PTPRO: variants seen among roughly 807,000 people sequenced by gnomAD.
PTPRO encodes receptor-type tyrosine-protein phosphatase O.
Under a neutral mutation model 145.2 loss-of-function variants are expected in PTPRO, and 62 were observed. The ratio of observed to expected loss-of-function variants is 0.43; its 90% CI spans 0.35 to 0.53. The LOEUF (loss-of-function observed/expected upper bound fraction) is 0.53, where lower values mean the gene tolerates loss of function less well. Ranked by LOEUF, PTPRO falls within the 20% of genes least tolerant of loss-of-function variation. The pLI, the probability that PTPRO is intolerant of heterozygous loss-of-function variation, is 0.01. For missense variants in PTPRO, 1,345 were observed against 1,482.7 expected (o/e 0.91, Z 1.53); for synonymous variants, 565 against 514.7 (o/e 1.10, Z -1.32).
intron 1 of PTPRO, among the ~76,000 whole-genome samples, chr12:15,413,804 G>A (rs976147672): frequency 6.6e-6 from 1 of 151,980 alleles, no homozygotes; most frequent in Non-Finnish European, 1.5e-5. Flanking sequence ...AACAGACCAA[G>A]ACTCTATCTC....
At chr12:15,388,608 T>A (rs1939096775) in intron 1 of PTPRO, among the ~76,000 whole-genome samples, 1 of 152,230 alleles carries the variant, frequency 6.6e-6, no homozygotes, top group South Asian at 2.1e-4. Flanking sequence ...TGGTGATTAA[T>A]AGATACACCA....
Position 15,508,255 on chromosome 12 carries a change from G to A in PTPRO, c.1268-316G>A, listed in dbSNP as rs552682931. Among the ~76,000 whole-genome samples the A allele has an allele frequency of 2.0e-5, 3 of 152,222 alleles. No individual in the cohort carries two copies. The South Asian group carries it at 6.2e-4, about 32-fold the overall frequency. On this transcript the variant is annotated intron_variant, in intron 6 of 26. Coordinates refer to ENST00000281171, the MANE Select transcript of PTPRO (RefSeq NM_030667.3). The stretch of plus-strand genomic sequence containing the variant: ...CCCTGATGAAATGCCACATTGCCAC[G>A]CTCACTCTTTGTTAAAAGAGAAGTA...
chr12:15,559,757 C>G (rs954324132), intron 16 of PTPRO, among the ~76,000 whole-genome samples: 7 of 152,004 alleles, frequency 4.6e-5, no homozygotes, highest in Non-Finnish European at 1.0e-4. Flanking sequence ...GTAAACTGAC[C>G]ATTTTTATTT....
At chr12:15,538,965 A>G (rs1015833) in intron 12 of PTPRO, among the ~76,000 whole-genome samples, 51,707 of 152,080 alleles carry the variant, frequency 0.34, 8,952 homozygotes, top group Middle Eastern at 0.47. Flanking sequence ...TTAGAATTTC[A>G]TTCCATACCT....
In PTPRO at chr12:15,501,889, G is replaced by A. The variant is rs1942229201; in HGVS notation, c.931G>A (p.Asp311Asn). The A allele has an allele frequency of 1.2e-6, 2 of 1,613,988 alleles. No homozygotes were observed. Among genetic ancestry groups the A allele is most frequent in the Non-Finnish European group, 1.7e-6 (2 of 1,180,026 alleles). Residue 311 changes from aspartate (D) to asparagine (N), a missense_variant, in exon 5 of 27, where the codon GAT (aspartate) becomes AAT (asparagine). This residue lies in a region of PTPRO where 1,130 missense variants were observed against 1,214.7 expected (regional missense o/e 0.93). Transcript: ENST00000281171. ...DSASAAPESEDEFVSVLPMEY... is the reference protein window; with the variant it reads ...DSASAAPESENEFVSVLPMEY... ...TGCATCTGCAGCTCCTGAAAGTGAA[G>A]ATGAATTTGTCAGCGTACTTCCCAT...
chr12:15,568,515 A>G (rs1185714384), intron 18 of PTPRO, among the ~76,000 whole-genome samples: 1 of 152,190 alleles, frequency 6.6e-6, no homozygotes, highest in Non-Finnish European at 1.5e-5. Context: ...AGACCAAGGG[A>G]AGGGTCAACT....
chr12:15,526,043 C>A, intron 11 of PTPRO, 99 bp from the exon 12 acceptor site: 1 of 1,423,546 alleles, frequency 7.0e-7, no homozygotes, highest in Non-Finnish European at 9.9e-7. Context: ...CTGCATAGAA[C>A]AGAGAGGGAA....
At chr12:15,582,167 G>C (rs563855083) in intron 23 of PTPRO, among the ~76,000 whole-genome samples, 1 of 152,382 alleles carries the variant, frequency 6.6e-6, no homozygotes, top group South Asian at 2.1e-4. Context: ...TGCCTTAAGC[G>C]GTTTTCCGCC....
intron 1 of PTPRO, among the ~76,000 whole-genome samples, chr12:15,455,152 C>T (rs1050072010): frequency 6.6e-6 from 1 of 152,106 alleles, no homozygotes; most frequent in Non-Finnish European, 1.5e-5. Flanking sequence ...AATATTTGCA[C>T]ATCCTGTTCT....
intron 3 of PTPRO, among the ~76,000 whole-genome samples, chr12:15,498,548 G>T (rs544423393): frequency 6.6e-6 from 1 of 152,146 alleles, no homozygotes; most frequent in South Asian, 2.1e-4. Context: ...ACAGAGCAAG[G>T]CCCCATCTCA....
At chr12:15,450,921 A>G (rs2136378271) in intron 1 of PTPRO, among the ~76,000 whole-genome samples, 1 of 152,242 alleles carries the variant, frequency 6.6e-6, no homozygotes, top group South Asian at 2.1e-4. Context: ...TAAAACAACA[A>G]TAAAGAAAAA....
At chr12:15,365,001 T>A (rs1938318825) in intron 1 of PTPRO, among the ~76,000 whole-genome samples, 2 of 152,224 alleles carry the variant, frequency 1.3e-5, no homozygotes, top group African/African-American at 4.8e-5. Context: ...TGACTCATTC[T>A]TTATCGTTTC....
chr12:15,571,351 G>A (rs1341324210), intron 19 of PTPRO, among the ~76,000 whole-genome samples: 2 of 152,100 alleles, frequency 1.3e-5, no homozygotes, highest in Admixed American at 1.3e-4. Context: ...GCAGTGGCGC[G>A]ATCTTGGCTC....
chr12:15,436,126 AGT>A (rs1940588997), intron 1 of PTPRO, among the ~76,000 whole-genome samples: 1 of 152,238 alleles, frequency 6.6e-6, no homozygotes, highest in Non-Finnish European at 1.5e-5. Flanking sequence ...CATTCAAAGC[AGT>A]GTGTAGAGGG....
intron 2 of PTPRO, among the ~76,000 whole-genome samples, chr12:15,491,102 C>T (rs548933820): frequency 6.6e-6 from 1 of 152,128 alleles, no homozygotes; most frequent in Admixed American, 6.5e-5. Flanking sequence ...GCTGAGATGC[C>T]AGGTCAGGTC....
intron 23 of PTPRO, among the ~76,000 whole-genome samples, chr12:15,585,353 A>C (rs1471617910): frequency 6.6e-6 from 1 of 152,168 alleles, no homozygotes; most frequent in Non-Finnish European, 1.5e-5. Context: ...ATAGTTTCTC[A>C]ACATACTTCC....
chr12:15,420,167 A>G (rs1276838271), intron 1 of PTPRO, among the ~76,000 whole-genome samples: 2 of 145,776 alleles, frequency 1.4e-5, no homozygotes, highest in Non-Finnish European at 3.0e-5. Flanking sequence ...AAAAAAAAAA[A>G]AAAAGAGTGT....
At position 15,322,896 on chromosome 12, in the gene PTPRO, G is replaced by A; in HGVS notation, c.75+95G>A. 7.7e-7 allele frequency: 1 copy of A among 1,302,812 alleles called. No individual in the cohort carries two copies. The highest frequency in any genetic ancestry group is 1.1e-6 in the Non-Finnish European group (1 of 936,752). 80.7% of individuals were successfully genotyped at this position (1,302,812 alleles called of 1,614,324 possible). A position where few individuals can be genotyped will look rare whatever the true frequency, so the allele number is the denominator to read the frequency against. ...GCCGTTGGGAGCGGCGCGCCCCAGG[G>A]CACGATGGCCCAGCCGCGGGAAGCG... On this transcript the variant is annotated intron_variant, in intron 1 of 26. Coordinates refer to ENST00000281171, the MANE Select transcript of PTPRO (RefSeq NM_030667.3). The surrounding 1 kb of genome is among the most constrained non-coding windows in gnomAD (Gnocchi z 6.3).
At chr12:15,396,871 AT>A (rs1199089717) in intron 1 of PTPRO, among the ~76,000 whole-genome samples, 1 of 152,200 alleles carries the variant, frequency 6.6e-6, no homozygotes, top group Non-Finnish European at 1.5e-5. Context: ...AAAAAATGGA[AT>A]TGTAGAAAGA....
Sources: gnomAD v4.1 joint callset for allele counts (sites outside exome capture counted in the v4.1 genomes callset) on GRCh38, gnomAD v4.1.1 for gene constraint, gnomAD v4.1.1 regional missense constraint, Gnocchi (gnomAD v3.1) non-coding constraint, MANE v1.5 for transcripts, NCBI Gene and HGNC (gene_info 2026-07-23, HGNC 2026-07-21) for gene names.